The following TSHZ2 variants were observed in gnomAD, a reference collection of about 807,000 sequenced individuals.
The protein encoded by TSHZ2 is teashirt zinc finger homeobox 2, also known as teashirt homolog 2.
In TSHZ2, 21 loss-of-function variants were observed where a neutral mutation model predicts 74.4. The observed-to-expected ratio is 0.28, with a 90% CI of 0.20 to 0.41. The LOEUF is 0.41. Among genes scored for constraint, TSHZ2 ranks in the 10% least tolerant of loss-of-function variants. The probability of loss-of-function intolerance (pLI) is 1.00; values close to 1 mark genes in which losing one functional copy is unlikely to be tolerated. For missense variants in TSHZ2, 1,244 were observed against 1,293.5 expected (o/e 0.96, Z 0.59); for synonymous variants, 540 against 515.3 (o/e 1.05, Z -0.65).
At chr20:53,024,661 A>G (rs1398191398) in intron 1 of TSHZ2, among the ~76,000 whole-genome samples, 2 of 151,898 alleles carry the variant, frequency 1.3e-5, no homozygotes, top group Non-Finnish European at 2.9e-5. Flanking sequence ...CCCACCCACC[A>G]ACAGGCCCCG....
intron 1 of TSHZ2, among the ~76,000 whole-genome samples, chr20:53,237,216 G>C (rs1001974999): frequency 2.6e-5 from 4 of 152,182 alleles, no homozygotes; most frequent in Non-Finnish European, 5.9e-5. Flanking sequence ...AAGTGCTGTA[G>C]AATAGGTTGT....
intron 1 of TSHZ2, among the ~76,000 whole-genome samples, chr20:53,180,771 T>TA (rs1424201481): frequency 2.6e-5 from 4 of 151,992 alleles, no homozygotes; most frequent in East Asian, 1.9e-4. Context: ...TTTTTTAAAT[T>TA]AAAAAAATTA....
At chr20:53,475,046 C>G (rs1227338151) in intron 2 of TSHZ2, among the ~76,000 whole-genome samples, 2 of 138,490 alleles carry the variant, frequency 1.4e-5, no homozygotes, top group Non-Finnish European at 3.1e-5. Flanking sequence ...TAGACTCCCA[C>G]ACATTAATAA....
intron 2 of TSHZ2, among the ~76,000 whole-genome samples, chr20:53,287,576 T>C (rs999890275): frequency 6.6e-6 from 1 of 152,192 alleles, no homozygotes; most frequent in African/African-American, 2.4e-5. Context: ...CTGTTGAGTA[T>C]CCCCAGAAGA....
At chr20:53,167,805 G>A (rs930619371) in intron 1 of TSHZ2, among the ~76,000 whole-genome samples, 13 of 152,242 alleles carry the variant, frequency 8.5e-5, no homozygotes, top group East Asian at 1.9e-4. Context: ...GGGGTATTAC[G>A]TCCCCCGTAG....
At chr20:53,196,485 A>G (rs1358062755) in intron 1 of TSHZ2, 1 of 151,988 alleles carries the variant, frequency 6.6e-6, no homozygotes, top group Non-Finnish European at 1.5e-5. Context: ...ATTGCGGTCA[A>G]CTCACCCCGA....
At chr20:53,428,626 A>G (rs1163093893) in intron 2 of TSHZ2, among the ~76,000 whole-genome samples, 3 of 152,166 alleles carry the variant, frequency 2.0e-5, no homozygotes, top group Non-Finnish European at 4.4e-5. Flanking sequence ...AATTTTCTGA[A>G]TGGAACAGAC....
At chr20:53,375,934 A>G (rs1425288674) in intron 2 of TSHZ2, among the ~76,000 whole-genome samples, 1 of 152,206 alleles carries the variant, frequency 6.6e-6, no homozygotes, top group Non-Finnish European at 1.5e-5. Context: ...ATACTCTAAC[A>G]GGATAGGAAA....
intron 1 of TSHZ2, among the ~76,000 whole-genome samples, chr20:53,170,471 A>G (rs1029374949): frequency 2.6e-5 from 4 of 152,170 alleles, no homozygotes; most frequent in Non-Finnish European, 5.9e-5. Flanking sequence ...GGGTTTCTGA[A>G]TCTTGACAAC....
rs771209842 is a variant in TSHZ2 at position 53,255,286 on chromosome 20, G to A, written c.1828G>A (p.Ala610Thr). ...GAAAGAGTCAGAAGACAAAGATGAA[G>A]CGGTGAAGGAGTGTGGGAAAGAAAG... ...VKKESEDKDE[A>T]VKECGKESPH... is the part of the protein sequence containing the mutation. The change falls in exon 2 of 3, where the codon GCG becomes ACG. Residue 610 changes from alanine (A) to threonine (T), a missense_variant. Around this residue, in one of 6 missense-constraint regions of TSHZ2, gnomAD observed 562 missense variants for 544.0 expected, o/e 1.03. Transcript: ENST00000371497. The surrounding 1 kb of genome is among the most constrained non-coding windows in gnomAD (Gnocchi z 4.1). 2.5e-6 allele frequency: 4 copies of A among 1,614,230 alleles called. No homozygotes were observed. The highest frequency in any genetic ancestry group is 2.7e-5 in the African/African-American group (2 of 75,064).
intron 1 of TSHZ2, among the ~76,000 whole-genome samples, chr20:53,009,996 T>C (rs1295429374): frequency 4.6e-5 from 7 of 152,322 alleles, no homozygotes; most frequent in African/African-American, 1.7e-4. Flanking sequence ...TCACTATCAT[T>C]GTCATTGTTG....
At position 53,491,243 on chromosome 20, in the gene TSHZ2, T is replaced by G. The variant is rs1986440656; in HGVS notation, c.*4108T>G. 6.6e-6 allele frequency: 1 copy of G among 152,240 alleles called. No individual in the cohort carries two copies. Among genetic ancestry groups the G allele is most frequent in the Admixed American group, 6.5e-5 (1 of 15,286 alleles). The allele number at this position is 152,240 out of a possible 1,614,324, so 9.4% of individuals were successfully genotyped here. ...ATAACGGTAGTATCTATTTCGAACA[T>G]GCATTAGGCAAAAAAGAAATCAAAA... On this transcript the variant is annotated 3_prime_UTR_variant, in exon 3 of 3. Transcript: ENST00000371497.
intron 1 of TSHZ2, among the ~76,000 whole-genome samples, chr20:53,058,767 T>C (rs2097501468): frequency 6.6e-6 from 1 of 152,248 alleles, no homozygotes; most frequent in South Asian, 2.1e-4. Context: ...AGAAAGCAGT[T>C]ACTTTGTCAT....
chr20:53,332,637 G>T (rs1292569501), intron 2 of TSHZ2, among the ~76,000 whole-genome samples: 1 of 152,154 alleles, frequency 6.6e-6, no homozygotes, highest in African/African-American at 2.4e-5. Context: ...GAATGACGAG[G>T]CGAAACTGGA....
chr20:53,479,096 C>T (rs879281532), intron 2 of TSHZ2, among the ~76,000 whole-genome samples: 8 of 149,368 alleles, frequency 5.4e-5, no homozygotes, highest in South Asian at 2.1e-4. Flanking sequence ...ACCCAGGAGG[C>T]GGAGGTTGCA....
intron 1 of TSHZ2, among the ~76,000 whole-genome samples, chr20:53,109,917 C>T (rs974503344): frequency 1.3e-5 from 2 of 152,226 alleles, no homozygotes; most frequent in Non-Finnish European, 2.9e-5. Flanking sequence ...CTCATCTCCT[C>T]TTTACACTCA....
At chr20:53,442,006 G>C (rs1001894511) in intron 2 of TSHZ2, among the ~76,000 whole-genome samples, 1 of 152,216 alleles carries the variant, frequency 6.6e-6, no homozygotes, top group Admixed American at 6.5e-5. Flanking sequence ...CAGGTGCAAA[G>C]CTCCTGAGGC....
At chr20:53,435,223 G>T (rs1984001506) in intron 2 of TSHZ2, among the ~76,000 whole-genome samples, 1 of 152,164 alleles carries the variant, frequency 6.6e-6, no homozygotes, top group Non-Finnish European at 1.5e-5. Context: ...AGTACCAATT[G>T]TGTGCAAGGT....
intron 2 of TSHZ2, among the ~76,000 whole-genome samples, chr20:53,461,199 T>C (rs1600659221): frequency 6.6e-6 from 1 of 152,140 alleles, no homozygotes; most frequent in African/African-American, 2.4e-5. Context: ...CGAGACTCCA[T>C]GGGCGTAGGA....
Sources: gnomAD v4.1 joint callset for allele counts (sites outside exome capture counted in the v4.1 genomes callset) on GRCh38, gnomAD v4.1.1 for gene constraint, gnomAD v4.1.1 regional missense constraint, Gnocchi (gnomAD v3.1) non-coding constraint, MANE v1.5 for transcripts, NCBI Gene and HGNC (gene_info 2026-07-23, HGNC 2026-07-21) for gene names.